The following LINGO2 variants were observed in gnomAD, a reference collection of about 807,000 sequenced individuals.
LINGO2 encodes the protein leucine-rich repeat and immunoglobulin-like domain-containing nogo receptor-interacting protein 2.
Under a neutral mutation model 30.6 loss-of-function variants are expected in LINGO2, and 14 were observed. The observed-to-expected ratio is 0.46, with a 90% CI of 0.30 to 0.72. The LOEUF (loss-of-function observed/expected upper bound fraction) is 0.72, where lower values mean the gene tolerates loss of function less well. LINGO2 is among the 30% of genes least tolerant of loss of function. LINGO2 has a pLI of 0.07. For synonymous variants in LINGO2, 317 were observed against 288.5 expected (o/e 1.10, Z -1.00); for missense variants, 729 against 751.7 (o/e 0.97, Z 0.35).
intron 4 of LINGO2, among the ~76,000 whole-genome samples, chr9:28,013,970 G>T (rs1476971274): frequency 6.6e-6 from 1 of 152,070 alleles, no homozygotes; most frequent in Non-Finnish European, 1.5e-5. Flanking sequence ...TAGTTACATT[G>T]CTAAGGTGAA....
chr9:28,022,545 G>C (rs562622592), intron 4 of LINGO2, among the ~76,000 whole-genome samples: 1 of 152,108 alleles, frequency 6.6e-6, no homozygotes, highest in African/African-American at 2.4e-5. Context: ...ATTCTCTTTT[G>C]AGGTTGAGTT....
chr9:27,977,593 T>G (rs1417293742), intron 5 of LINGO2, among the ~76,000 whole-genome samples: 1 of 151,916 alleles, frequency 6.6e-6, no homozygotes, highest in East Asian at 1.9e-4. Context: ...CAAGTTTTAT[T>G]AGAAATAAAA....
chr9:27,979,316 C>A (rs994626759), intron 5 of LINGO2, among the ~76,000 whole-genome samples: 1 of 151,882 alleles, frequency 6.6e-6, no homozygotes, highest in Admixed American at 6.6e-5. Context: ...TAATCTCTAT[C>A]TTTTATTTTG....
chr9:28,476,252 A>C (rs185629181), intron 1 of LINGO2, among the ~76,000 whole-genome samples: 1 of 152,338 alleles, frequency 6.6e-6, no homozygotes, highest in South Asian at 2.1e-4. Context: ...ATAACAATCT[A>C]TTAAAATTAA....
the LINGO2 span, among the ~76,000 whole-genome samples, chr9:29,087,090 T>C: frequency 6.6e-6 from 1 of 152,154 alleles, no homozygotes; most frequent in African/African-American, 2.4e-5. Flanking sequence ...TTGGCCAGGC[T>C]GGTCTCGAAT....
chr9:28,848,096 C>CTATAT, the LINGO2 span, among the ~76,000 whole-genome samples: 1 of 33,358 alleles, frequency 3.0e-5, no homozygotes, highest in African/African-American at 1.2e-4. Context: ...TATATATACG[C>CTATAT]ATAGTGTATA....
intron 1 of LINGO2, among the ~76,000 whole-genome samples, chr9:28,479,935 A>AGG (rs1564228439): frequency 3.2e-4 from 39 of 123,638 alleles, no homozygotes; most frequent in African/African-American, 1.4e-3. Flanking sequence ...ATATATATAT[A>AGG]TATATATATA....
the LINGO2 span, among the ~76,000 whole-genome samples, chr9:28,879,415 A>G: frequency 1.3e-5 from 2 of 152,206 alleles, no homozygotes; most frequent in Non-Finnish European, 2.9e-5. Flanking sequence ...ATCCTTCAAT[A>G]GTGATAATAA....
At chr9:29,163,773 G>T in the LINGO2 span, among the ~76,000 whole-genome samples, 1 of 152,092 alleles carries the variant, frequency 6.6e-6, no homozygotes, top group East Asian at 1.9e-4. Flanking sequence ...TTCTCCAGAA[G>T]ACTTTGTTTG....
At chr9:28,005,871 A>G (rs1041490827) in intron 5 of LINGO2, among the ~76,000 whole-genome samples, 7 of 152,000 alleles carry the variant, frequency 4.6e-5, no homozygotes, top group Admixed American at 1.3e-4. Context: ...TCATTTTGAG[A>G]TAGTCAACCT....
At chr9:28,077,590 TA>T (rs1825662890) in intron 4 of LINGO2, among the ~76,000 whole-genome samples, 1 of 135,156 alleles carries the variant, frequency 7.4e-6, no homozygotes, top group African/African-American at 3.9e-5. Context: ...TTCATAGAGA[TA>T]ACAAAAACTC....
intron 4 of LINGO2, among the ~76,000 whole-genome samples, chr9:28,058,412 C>T (rs1487440844): frequency 6.6e-6 from 1 of 152,126 alleles, no homozygotes; most frequent in Non-Finnish European, 1.5e-5. Flanking sequence ...TAGTTTTACA[C>T]AAGAGAGTGA....
chr9:28,412,552 T>C (rs1348294460), intron 2 of LINGO2, among the ~76,000 whole-genome samples: 1 of 152,068 alleles, frequency 6.6e-6, no homozygotes, highest in Non-Finnish European at 1.5e-5. Context: ...CTGATAGAAC[T>C]AGTAAATGAA....
chr9:27,966,745 AG>A (rs1820121235), intron 5 of LINGO2, among the ~76,000 whole-genome samples: 1 of 151,856 alleles, frequency 6.6e-6, no homozygotes, highest in Non-Finnish European at 1.5e-5. Context: ...AATTAAAAAA[AG>A]AAAAAAAATA....
the LINGO2 span, among the ~76,000 whole-genome samples, chr9:29,200,211 T>C: frequency 2.6e-5 from 4 of 152,024 alleles, no homozygotes; most frequent in Non-Finnish European, 4.4e-5. Context: ...GCAAAATGAA[T>C]GGCAGAAAAT....
At chr9:28,581,070 T>C (rs1442478641) in intron 1 of LINGO2, among the ~76,000 whole-genome samples, 1 of 151,932 alleles carries the variant, frequency 6.6e-6, no homozygotes, top group Non-Finnish European at 1.5e-5. Flanking sequence ...ATATTGAAGG[T>C]GATGCTATCT....
the LINGO2 span, among the ~76,000 whole-genome samples, chr9:28,712,661 C>A: frequency 6.6e-6 from 1 of 151,358 alleles, no homozygotes; most frequent in Non-Finnish European, 1.5e-5. Context: ...TAGAGACTGG[C>A]ATATAATACT....
chr9:28,851,911 T>C, the LINGO2 span, among the ~76,000 whole-genome samples: 57,042 of 151,646 alleles, frequency 0.38, 12,674 homozygotes, highest in Middle Eastern at 0.51. Flanking sequence ...CATTTGGAGA[T>C]AACACTAAAA....
At chr9:29,196,722 A>T in the LINGO2 span, among the ~76,000 whole-genome samples, 4 of 152,240 alleles carry the variant, frequency 2.6e-5, no homozygotes, top group African/African-American at 9.6e-5. Flanking sequence ...AAAAGCTATG[A>T]ACATATAAAT....
Sources: allele counts gnomAD v4.1 joint callset (sites outside exome capture counted in the v4.1 genomes callset), GRCh38; gene constraint gnomAD v4.1.1; transcripts MANE v1.5; gene names NCBI Gene and HGNC (gene_info 2026-07-23, HGNC 2026-07-21).